Variants in PHAF1 observed in about 807,000 individuals in gnomAD.
The protein encoded by PHAF1 is phagophore assembly factor 1.
Under a neutral mutation model 63.1 loss-of-function variants are expected in PHAF1, and 23 were observed. The ratio of observed to expected loss-of-function variants is 0.36; its 90% CI spans 0.26 to 0.52. The LOEUF (loss-of-function observed/expected upper bound fraction) is 0.52, where lower values mean the gene tolerates loss of function less well. Among genes scored for constraint, PHAF1 ranks in the 20% least tolerant of loss-of-function variants. The probability of loss-of-function intolerance (pLI) is 0.93; values close to 1 mark genes in which losing one functional copy is unlikely to be tolerated. For synonymous variants in PHAF1, 167 were observed against 185.0 expected, an observed-to-expected ratio of 0.90 and a Z score of 0.79; for missense variants, 427 against 517.2, an observed-to-expected ratio of 0.83 and a Z score of 1.69.
In PHAF1 at chr16:67,140,608, C is replaced by G; in HGVS notation, c.879+14C>G. On this transcript the variant is annotated intron_variant, in intron 10 of 15. Transcript: ENST00000219139. The stretch of plus-strand genomic sequence containing the variant: ...ACTCTTGGAGTGGTAAGTTGTGATT[C>G]CTCAGAGAAGCCCTTCATTTCTATT... 1 of 1,544,092 alleles carries G rather than the reference C, an allele frequency of 6.5e-7. No individual in the cohort carries two copies. Among genetic ancestry groups the G allele is most frequent in the Non-Finnish European group, 9.0e-7 (1 of 1,116,534 alleles).
chr16:67,131,465 C>A, intron 4 of PHAF1, 136 bp downstream of exon 4: 1 of 637,134 alleles, frequency 1.6e-6, no homozygotes, highest in Non-Finnish European at 2.7e-6. Context: ...CTGAGGCAAC[C>A]TTCAAGCCTG....
rs986980729 is a variant in PHAF1, at chr16:67,140,031, C to T, written c.709C>T (p.Arg237Cys). ...AGATGCCAAGATGCGGGTATTTGAA[C>T]GTTCAGTGTATTTTGGTGATTCCTG... ...LADAKMRVFERSVYFGDSCQD... is the reference protein window; with the variant it reads ...LADAKMRVFECSVYFGDSCQD... Residue 237 changes from arginine to cysteine, a missense_variant, in exon 9 of 16, where the codon CGT (arginine) becomes TGT (cysteine). Physicochemically the swap from Arg to Cys is radical, Grantham distance 180 (BLOSUM62 -3). Coordinates refer to ENST00000219139, the MANE Select transcript of PHAF1 (RefSeq NM_025187.5). 9.9e-6 allele frequency: 16 copies of T among 1,613,938 alleles called. No individual in the cohort carries two copies. The highest frequency in any genetic ancestry group is 4.0e-5 in the African/African-American group (3 of 74,888).
At chr16:67,130,644 C>T (rs984345836) in intron 3 of PHAF1, among the ~76,000 whole-genome samples, 14 of 152,186 alleles carry the variant, frequency 9.2e-5, no homozygotes, top group Middle Eastern at 3.2e-3. Flanking sequence ...CCACCGTGCC[C>T]GGCTAAAATA....
At chr16:67,123,942 A>T (rs961403718) in intron 2 of PHAF1, among the ~76,000 whole-genome samples, 1 of 152,236 alleles carries the variant, frequency 6.6e-6, no homozygotes, top group African/African-American at 2.4e-5. Flanking sequence ...GAACTGCTTC[A>T]TGTGAAGGAC....
chr16:67,145,000 C>G, intron 12 of PHAF1, 123 bp downstream of exon 12: 1 of 1,219,506 alleles, frequency 8.2e-7, no homozygotes, highest in Non-Finnish European at 1.2e-6. Context: ...CTCAGTTCCT[C>G]TGGGGTGGGC....
At position 67,144,870 on chromosome 16, in the gene PHAF1, AAAG is replaced by A; in HGVS notation, c.1002_1004del (p.Lys335del). ...GTGAGTTCAAGATCCCACTAGCCAT[AAAG>A]AAAGGTGAGTAGTGAAAGCTCTCAG... is the stretch of plus-strand genomic sequence containing the variant. On this transcript the variant is annotated inframe_deletion, in exon 12 of 16. Coordinates refer to ENST00000219139, the MANE Select transcript of PHAF1 (RefSeq NM_025187.5). 1 of 1,613,970 alleles carries A rather than the reference AAAG, an allele frequency of 6.2e-7. No individual in the cohort carries two copies. Among genetic ancestry groups the A allele is most frequent in the Non-Finnish European group, 8.5e-7 (1 of 1,179,872 alleles).
chr16:67,126,595 G>GTTTTTT (rs60445297), intron 3 of PHAF1, among the ~76,000 whole-genome samples: 38 of 134,202 alleles, frequency 2.8e-4, no homozygotes, highest in African/African-American at 1.0e-3. Flanking sequence ...TTTGTTTTTG[G>GTTTTTT]TTTTTTTTTT....
intron 1 of PHAF1, among the ~76,000 whole-genome samples, chr16:67,118,744 C>T (rs541912410): frequency 7.3e-6 from 1 of 136,522 alleles, no homozygotes; most frequent in African/African-American, 2.8e-5. Context: ...TTCATTGATT[C>T]TGGTGGATGA....
chr16:67,129,513 G>A (rs1034029647), intron 3 of PHAF1, among the ~76,000 whole-genome samples: 2 of 152,232 alleles, frequency 1.3e-5, no homozygotes, highest in Non-Finnish European at 2.9e-5. Flanking sequence ...GGCCAAAAGC[G>A]AACCTACTAT....
At chr16:67,110,520 C>T (rs1310796340) in intron 1 of PHAF1, among the ~76,000 whole-genome samples, 1 of 152,178 alleles carries the variant, frequency 6.6e-6, no homozygotes, top group East Asian at 1.9e-4. Context: ...AATGCCCGGC[C>T]CTGCTCTTTT....
chr16:67,130,682 G>A (rs1176974193), intron 3 of PHAF1, among the ~76,000 whole-genome samples: 1 of 152,200 alleles, frequency 6.6e-6, no homozygotes, highest in Non-Finnish European at 1.5e-5. Context: ...ACCCGACCTG[G>A]GTTTTAAAAT....
At position 67,140,587 on chromosome 16, in the gene PHAF1, T is replaced by G; in HGVS notation, c.872T>G (p.Leu291Arg). Reference sequence around the variant, plus strand: ...GACTACTTTTTTAACTACTTCACTCTTGGAGTGGTAAGTTGTGATTCCTCA... The same window carrying G: ...GACTACTTTTTTAACTACTTCACTCGTGGAGTGGTAAGTTGTGATTCCTCA... ...CNDYFFNYFT[L>R]GVDILFDANT... The change falls in exon 10 of 16, where the codon CTT (leucine) becomes CGT (arginine). Residue 291 changes from leucine to arginine, a missense_variant. By Grantham distance (102) the Leu-to-Arg change is moderately radical. Transcript: ENST00000219139. The G allele has an allele frequency of 6.3e-7, 1 of 1,585,466 alleles. No homozygotes were observed.
chr16:67,132,322 T>A (rs1963434552), intron 4 of PHAF1, 124 bp from the exon 5 acceptor site: 2 of 837,388 alleles, frequency 2.4e-6, no homozygotes, highest in Non-Finnish European at 3.8e-6. Context: ...TTAAGCTTTG[T>A]ATTTTGATAT....
At chr16:67,140,247 T>A in intron 9 of PHAF1, 130 bp downstream of exon 9, 1 of 1,241,476 alleles carries the variant, frequency 8.1e-7, no homozygotes, top group Non-Finnish European at 1.1e-6. Context: ...AATTGAAAAC[T>A]GTTTTCTAAC....
chr16:67,145,643 G>C lies in PHAF1; in HGVS notation c.1109+15G>C. ...GTCCTGCACAGGTGAGTGGGAGTTT[G>C]ATGTCCCCGGCCACCCCACCTGACT... is the stretch of plus-strand genomic sequence containing the variant. On this transcript the variant is annotated intron_variant, in intron 14 of 15. Transcript: ENST00000219139. 6.2e-7 allele frequency: 1 copy of C among 1,607,868 alleles called. No homozygotes were observed. The highest frequency in any genetic ancestry group is 8.5e-7 in the Non-Finnish European group (1 of 1,177,428).
intron 8 of PHAF1, chr16:67,135,390 C>T (rs555195314): frequency 1.3e-5 from 2 of 152,312 alleles, no homozygotes; most frequent in African/African-American, 4.8e-5. Context: ...TCATGATCCG[C>T]CCACCTCGGC....
At chr16:67,115,157 T>C (rs867877577) in intron 1 of PHAF1, among the ~76,000 whole-genome samples, 66 of 152,332 alleles carry the variant, frequency 4.3e-4, no homozygotes, top group African/African-American at 1.5e-3. Context: ...TTCTACCTAA[T>C]TGCTTTGTTT....
chr16:67,123,019 A>G (rs986963080), intron 2 of PHAF1, among the ~76,000 whole-genome samples: 1 of 151,224 alleles, frequency 6.6e-6, no homozygotes, highest in African/African-American at 2.4e-5. Context: ...ATGAGCCACC[A>G]CACCCAGCCT....
chr16:67,133,088 C>T (rs1018225434), intron 6 of PHAF1, among the ~76,000 whole-genome samples, 177 bp downstream of exon 6: 1 of 152,116 alleles, frequency 6.6e-6, no homozygotes, highest in Admixed American at 6.5e-5. Flanking sequence ...AGAGGAAGAA[C>T]AATGCTCAGG....
Sources: allele counts gnomAD v4.1 joint callset (sites outside exome capture counted in the v4.1 genomes callset), GRCh38; gene constraint gnomAD v4.1.1; transcripts MANE v1.5; gene names NCBI Gene and HGNC (gene_info 2026-07-23, HGNC 2026-07-21).